The following GRIP1 variants were observed in gnomAD, a reference collection of about 807,000 sequenced individuals.
GRIP1 encodes glutamate receptor interacting protein 1, also known as glutamate receptor-interacting protein 1.
A neutral mutation model predicts 129.9 loss-of-function variants in GRIP1; 45 were observed. The observed-to-expected ratio is 0.35, with a 90% CI of 0.27 to 0.44. GRIP1 has a LOEUF of 0.44. Among genes scored for constraint, GRIP1 ranks in the 20% least tolerant of loss-of-function variants. The pLI is 1.00. For synonymous variants in GRIP1, 530 were observed against 520.8 expected, an observed-to-expected ratio of 1.02 and a Z score of -0.24; for missense variants, 1,196 against 1,396.8, an observed-to-expected ratio of 0.86 and a Z score of 2.29.
intron 1 of GRIP1, among the ~76,000 whole-genome samples, chr12:66,933,019 CTATAGG>C (rs2041424637): frequency 6.6e-6 from 1 of 152,148 alleles, no homozygotes; most frequent in Admixed American, 6.5e-5. Flanking sequence ...GATATTGTTC[CTATAGG>C]TAACGAGTTC....
At chr12:66,727,565 T>C (rs529853082) in intron 1 of GRIP1, among the ~76,000 whole-genome samples, 1 of 152,270 alleles carries the variant, frequency 6.6e-6, no homozygotes, top group South Asian at 2.1e-4. Context: ...ATGGAGGCTG[T>C]TGTAAGTGCT....
chr12:66,526,047 G>T (rs2061223639), intron 5 of GRIP1, among the ~76,000 whole-genome samples: 1 of 152,116 alleles, frequency 6.6e-6, no homozygotes, highest in Non-Finnish European at 1.5e-5. Context: ...CAAACAAATG[G>T]AAGAACATTC....
chr12:66,596,792 C>G, intron 2 of GRIP1, 55 bp downstream of exon 2: 1 of 969,564 alleles, frequency 1.0e-6, no homozygotes, highest in South Asian at 1.3e-5. Context: ...TTAGAATCAC[C>G]AAATAACAGG....
At chr12:66,623,487 A>T (rs928834712) in intron 1 of GRIP1, among the ~76,000 whole-genome samples, 1 of 152,160 alleles carries the variant, frequency 6.6e-6, no homozygotes, top group South Asian at 2.1e-4. Flanking sequence ...TAAATGGGAA[A>T]CAATATATAC....
chr12:66,436,927 T>C (rs1045576809), intron 13 of GRIP1, among the ~76,000 whole-genome samples: 5 of 136,456 alleles, frequency 3.7e-5, no homozygotes, highest in African/African-American at 1.4e-4. Context: ...CGGAGGTTGA[T>C]AGCACCACTG....
intron 1 of GRIP1, among the ~76,000 whole-genome samples, chr12:66,889,008 C>G (rs2040611972): frequency 6.6e-6 from 1 of 152,098 alleles, no homozygotes; most frequent in African/African-American, 2.4e-5. Context: ...AGTTGAACTA[C>G]AAAAAATTGA....
intron 1 of GRIP1, among the ~76,000 whole-genome samples, chr12:66,660,509 G>T (rs767936081): frequency 3.3e-5 from 5 of 151,954 alleles, no homozygotes; most frequent in South Asian, 2.1e-4. Flanking sequence ...ATTAATCAAG[G>T]TCTGTTAAAC....
chr12:66,783,142 T>C (rs1259278088), intron 1 of GRIP1, among the ~76,000 whole-genome samples: 1 of 152,136 alleles, frequency 6.6e-6, no homozygotes, highest in Non-Finnish European at 1.5e-5. Flanking sequence ...GCAATTCTTA[T>C]GCCTCAGCTA....
At chr12:66,518,636 T>G (rs2060914394) in intron 5 of GRIP1, among the ~76,000 whole-genome samples, 1 of 152,162 alleles carries the variant, frequency 6.6e-6, no homozygotes, top group Non-Finnish European at 1.5e-5. Context: ...CATGACCCTT[T>G]TGTACAATTT....
At chr12:66,700,598 C>T (rs1302356028) in intron 1 of GRIP1, among the ~76,000 whole-genome samples, 1 of 152,050 alleles carries the variant, frequency 6.6e-6, no homozygotes, top group Non-Finnish European at 1.5e-5. Flanking sequence ...CAGGTGCATG[C>T]CACTGTGCCT....
At chr12:66,713,703 T>C (rs1225066887) in intron 1 of GRIP1, among the ~76,000 whole-genome samples, 1 of 152,030 alleles carries the variant, frequency 6.6e-6, no homozygotes, top group African/African-American at 2.4e-5. Flanking sequence ...ATAGAGTTAA[T>C]TCCTTCTTTC....
chr12:66,951,391 T>C (rs2041754569), intron 1 of GRIP1, among the ~76,000 whole-genome samples: 1 of 151,966 alleles, frequency 6.6e-6, no homozygotes, highest in African/African-American at 2.4e-5. Context: ...AGCACAAAGG[T>C]TCTGTGGCAG....
intron 1 of GRIP1, among the ~76,000 whole-genome samples, chr12:66,634,749 GT>G (rs1160978264): frequency 6.6e-6 from 1 of 152,182 alleles, no homozygotes; most frequent in African/African-American, 2.4e-5. Flanking sequence ...TTAACTGAAT[GT>G]GAGCTTCACC....
rs746868165 is a variant in GRIP1, at chr12:66,349,147, G to C, written c.3259C>G (p.Leu1087Val). ...KLDLVISRNPLASQKSIDQQS... is the reference protein window; with the variant it reads ...KLDLVISRNPVASQKSIDQQS... ...TGGTCTATAGACTTCTGTGAAGCCA[G>C]TGGGTTTCTACTAATAACCAGGTCC... Residue 1087 changes from leucine to valine, a missense_variant, in exon 25 of 25, where the codon CTG (leucine) becomes GTG (valine). By Grantham distance (32) the Leu-to-Val change is conservative (BLOSUM62 1). Coordinates refer to ENST00000359742, the MANE Select transcript of GRIP1 (RefSeq NM_001366722.1). 1.2e-5 allele frequency: 19 copies of C among 1,613,704 alleles called. No individual in the cohort carries two copies. Among genetic ancestry groups the C allele is most frequent in the Non-Finnish European group, 1.4e-5 (17 of 1,179,696 alleles).
chr12:66,416,912 A>G (rs2057624830), intron 15 of GRIP1, among the ~76,000 whole-genome samples: 5 of 151,970 alleles, frequency 3.3e-5, no homozygotes, highest in Admixed American at 2.6e-4. Flanking sequence ...CTATGAGGCC[A>G]GTATTACCAT....
intron 1 of GRIP1, among the ~76,000 whole-genome samples, chr12:66,918,222 A>G (rs2041158185): frequency 6.6e-6 from 1 of 152,188 alleles, no homozygotes; most frequent in South Asian, 2.1e-4. Context: ...TTAAGACCCA[A>G]GAGGAGCCAA....
In GRIP1 at chr12:66,483,473, C is replaced by T. The variant is rs560480667; in HGVS notation, c.725-18051G>A. 2.6e-5 allele frequency among the ~76,000 whole-genome samples: 4 copies of T among 152,204 alleles called. No homozygotes were observed. In the East Asian group the frequency reaches 7.7e-4, roughly 29 times the overall value. ...CACAGCATGAATATTTATTGTATTG[C>T]AAGAAGAGTACAAAGCAAGTGAAAC... On this transcript the variant is annotated intron_variant, in intron 7 of 24. Transcript: ENST00000359742.
intron 2 of GRIP1, among the ~76,000 whole-genome samples, chr12:66,559,884 A>C (rs2062460260): frequency 6.6e-6 from 1 of 152,172 alleles, no homozygotes; most frequent in East Asian, 1.9e-4. Context: ...AGGAAAAATA[A>C]AACTGGATGG....
chr12:66,380,057 C>T (rs1231626966), intron 19 of GRIP1, among the ~76,000 whole-genome samples: 1 of 151,832 alleles, frequency 6.6e-6, no homozygotes, highest in Non-Finnish European at 1.5e-5. Flanking sequence ...AGGAGTGCAC[C>T]ACCACACCCA....
Sources: gnomAD v4.1 joint callset for allele counts (sites outside exome capture counted in the v4.1 genomes callset) on GRCh38, gnomAD v4.1.1 for gene constraint, MANE v1.5 for transcripts, NCBI Gene and HGNC (gene_info 2026-07-23, HGNC 2026-07-21) for gene names.